The following BRINP3 variants were observed in gnomAD, a reference collection of about 807,000 sequenced individuals.
The protein encoded by BRINP3 is BMP/retinoic acid-inducible neural-specific protein 3.
A neutral mutation model predicts 71.0 loss-of-function variants in BRINP3; 19 were observed. The ratio of observed to expected loss-of-function variants is 0.27; its 90% CI spans 0.19 to 0.39. BRINP3 has a LOEUF of 0.39. Among genes scored for constraint, BRINP3 ranks in the 10% least tolerant of loss-of-function variants. BRINP3 has a pLI of 1.00. For synonymous variants in BRINP3, 380 were observed against 337.7 expected, an observed-to-expected ratio of 1.13 and a Z score of -1.37; for missense variants, 959 against 940.8, an observed-to-expected ratio of 1.02 and a Z score of -0.25.
chr1:190,215,208 C>T (rs752859740), intron 6 of BRINP3, among the ~76,000 whole-genome samples: 21 of 151,330 alleles, frequency 1.4e-4, no homozygotes, highest in Non-Finnish European at 2.8e-4. Flanking sequence ...TCTTCATAGA[C>T]ATGGAAACAG....
chr1:190,381,749 T>C (rs548632202), intron 2 of BRINP3, among the ~76,000 whole-genome samples: 50 of 152,320 alleles, frequency 3.3e-4, no homozygotes, highest in African/African-American at 1.1e-3. Flanking sequence ...ATTCATGTTA[T>C]AGGCCAATTT....
Position 190,404,530 on chromosome 1 carries a change from G to A in BRINP3, c.236+50125C>T, listed in dbSNP as rs931165551. Reference sequence around the variant, plus strand: ...AGTGTTTTAATATTTTCACAGCAACGAAGACAGAATAACATTAACCAATGT... The same window carrying A: ...AGTGTTTTAATATTTTCACAGCAACAAAGACAGAATAACATTAACCAATGT... On this transcript the variant is annotated intron_variant, in intron 2 of 7. Coordinates refer to ENST00000367462, the MANE Select transcript of BRINP3 (RefSeq NM_199051.3). Among the ~76,000 whole-genome samples the A allele has an allele frequency of 4.6e-5, 7 of 152,194 alleles. No homozygotes were observed. In the South Asian group the frequency reaches 6.2e-4, roughly 14 times the overall value.
At chr1:190,312,075 A>ATATATATGTG (rs1328430258) in intron 2 of BRINP3, among the ~76,000 whole-genome samples, 1 of 136,548 alleles carries the variant, frequency 7.3e-6, no homozygotes, top group African/African-American at 2.7e-5. Flanking sequence ...ATATATATAT[A>ATATATATGTG]TGTATTTCTA....
chr1:190,399,976 ACTCT>A (rs759118207), intron 2 of BRINP3, among the ~76,000 whole-genome samples: 5 of 151,748 alleles, frequency 3.3e-5, no homozygotes, highest in Non-Finnish European at 5.9e-5. Flanking sequence ...AAACCATCAC[ACTCT>A]CTATTTTCAT....
intron 7 of BRINP3, among the ~76,000 whole-genome samples, chr1:190,136,580 A>C (rs1488167531): frequency 6.6e-6 from 1 of 152,170 alleles, no homozygotes; most frequent in African/African-American, 2.4e-5. Context: ...ACAATGCTTC[A>C]GCTATTATTT....
intron 1 of BRINP3, among the ~76,000 whole-genome samples, chr1:190,458,746 A>T (rs567245223): frequency 3.9e-5 from 6 of 152,132 alleles, no homozygotes; most frequent in African/African-American, 1.4e-4. Flanking sequence ...AGAAATCACA[A>T]GTTCCAATGA....
chr1:190,172,908 T>C (rs1389022733), intron 6 of BRINP3, among the ~76,000 whole-genome samples: 4 of 152,150 alleles, frequency 2.6e-5, no homozygotes, highest in Non-Finnish European at 5.9e-5. Context: ...AACTTCACAA[T>C]GGCCAGATGC....
chr1:190,377,476 C>T (rs1005443628), intron 2 of BRINP3, among the ~76,000 whole-genome samples: 1 of 151,554 alleles, frequency 6.6e-6, no homozygotes, highest in Non-Finnish European at 1.5e-5. Context: ...AGCCAGACCA[C>T]TTAGGTTTAA....
chr1:190,279,883 C>T (rs544620323), intron 3 of BRINP3, among the ~76,000 whole-genome samples: 26 of 151,848 alleles, frequency 1.7e-4, no homozygotes, highest in African/African-American at 6.3e-4. Context: ...TTACATATAT[C>T]TAGTTATTTG....
At chr1:190,277,727 G>A (rs1193929042) in intron 3 of BRINP3, among the ~76,000 whole-genome samples, 2 of 151,472 alleles carry the variant, frequency 1.3e-5, no homozygotes, top group South Asian at 2.1e-4. Flanking sequence ...TATAATAAAG[G>A]TATTACAAAA....
Position 190,224,589 on chromosome 1 carries a change from G to A in BRINP3, c.961+1493C>T, listed in dbSNP as rs115886037. 3.3e-3 allele frequency among the ~76,000 whole-genome samples: 505 copies of A among 151,762 alleles called. 2 individuals carry two copies. The highest frequency in any genetic ancestry group is 0.012 in the African/African-American group (492 of 41,488). On this transcript the variant is annotated intron_variant, in intron 6 of 7. Transcript: ENST00000367462. ...GGTCTGGGCAAAGATTTTTTTGTTTGTAAAACCTCAACATTACAGACAACT... is the reference window on the plus strand; with the variant it reads ...GGTCTGGGCAAAGATTTTTTTGTTTATAAAACCTCAACATTACAGACAACT...
chr1:190,210,480 C>A (rs1271103952), intron 6 of BRINP3, among the ~76,000 whole-genome samples: 1 of 151,910 alleles, frequency 6.6e-6, no homozygotes, highest in East Asian at 1.9e-4. Flanking sequence ...GACAAACAGG[C>A]ACATTTATAA....
chr1:190,193,296 A>G (rs1654204613), intron 6 of BRINP3, among the ~76,000 whole-genome samples: 3 of 152,050 alleles, frequency 2.0e-5, no homozygotes. Flanking sequence ...GTTTTAGAAG[A>G]GATGAGAGGT....
intron 7 of BRINP3, among the ~76,000 whole-genome samples, chr1:190,152,096 G>C (rs570638964): frequency 2.8e-4 from 42 of 151,992 alleles, no homozygotes; most frequent in African/African-American, 9.9e-4. Flanking sequence ...CTCCAACTTT[G>C]TTTAACCACC....
chr1:190,207,272 A>G (rs182721573), intron 6 of BRINP3, among the ~76,000 whole-genome samples: 33 of 152,226 alleles, frequency 2.2e-4, no homozygotes, highest in Non-Finnish European at 4.1e-4. Flanking sequence ...GGGGAAATTT[A>G]TCTTGTTATT....
chr1:190,436,001 C>G (rs1242430639), intron 2 of BRINP3, among the ~76,000 whole-genome samples: 2 of 151,828 alleles, frequency 1.3e-5, no homozygotes, highest in African/African-American at 4.8e-5. Context: ...GGGAGAGAAT[C>G]ATTTTTTCCC....
intron 7 of BRINP3, among the ~76,000 whole-genome samples, chr1:190,154,501 C>G (rs1656692820): frequency 6.6e-6 from 1 of 152,106 alleles, no homozygotes; most frequent in African/African-American, 2.4e-5. Flanking sequence ...TTTGACACTT[C>G]CACTGACAGT....
intron 2 of BRINP3, among the ~76,000 whole-genome samples, chr1:190,300,825 G>GA (rs1282742692): frequency 6.6e-6 from 1 of 151,966 alleles, no homozygotes; most frequent in East Asian, 1.9e-4. Flanking sequence ...CAAAGATGGG[G>GA]AAAAAACAGA....
At chr1:190,255,768 G>GTC (rs1249061526) in intron 4 of BRINP3, among the ~76,000 whole-genome samples, 5 of 151,764 alleles carry the variant, frequency 3.3e-5, no homozygotes, top group Non-Finnish European at 2.9e-5. Context: ...GGTTTTTTGG[G>GTC]TCTCTCTCTC....
Sources: gnomAD v4.1 joint callset for allele counts (sites outside exome capture counted in the v4.1 genomes callset) on GRCh38, gnomAD v4.1.1 for gene constraint, MANE v1.5 for transcripts, NCBI Gene and HGNC (gene_info 2026-07-23, HGNC 2026-07-21) for gene names.